Variants in SUPT20H observed in about 807,000 individuals in gnomAD.
SUPT20H encodes the protein transcription factor SPT20 homolog.
A neutral mutation model predicts 122.8 loss-of-function variants in SUPT20H; 82 were observed. The ratio of observed to expected loss-of-function variants is 0.67; its 90% CI spans 0.56 to 0.80. SUPT20H has a LOEUF of 0.80. Among genes scored for constraint, SUPT20H ranks in the 30% least tolerant of loss-of-function variants. The pLI, the probability that SUPT20H is intolerant of heterozygous loss-of-function variation, is 0.00. For synonymous variants in SUPT20H, 291 were observed against 313.0 expected (o/e 0.93, Z 0.74); for missense variants, 831 against 921.6 (o/e 0.90, Z 1.27).
chr13:37,023,754 T>A (rs2061744887), intron 19 of SUPT20H: 1 of 256,834 alleles, frequency 3.9e-6, no homozygotes, highest in African/African-American at 2.2e-5. Context: ...TTGCCACATG[T>A]AACTACCAGG....
At chr13:37,033,730 T>C (rs2063822936) in intron 9 of SUPT20H, 142 bp from the exon 10 acceptor site, 8 of 917,144 alleles carry the variant, frequency 8.7e-6, no homozygotes, top group Middle Eastern at 3.3e-4. Flanking sequence ...CCAATGTTAG[T>C]GTGCATGTAA....
intron 9 of SUPT20H, among the ~76,000 whole-genome samples, chr13:37,035,798 T>C (rs1046475797): frequency 1.3e-5 from 2 of 152,178 alleles, no homozygotes; most frequent in African/African-American, 4.8e-5. Context: ...CCAAAAGTGC[T>C]GGGATTACAG....
At chr13:37,054,333 C>G (rs1394312464) in intron 1 of SUPT20H, among the ~76,000 whole-genome samples, 1 of 152,122 alleles carries the variant, frequency 6.6e-6, no homozygotes, top group Non-Finnish European at 1.5e-5. Flanking sequence ...AATTTTAGAC[C>G]AATATCCCTG....
intron 25 of SUPT20H, among the ~76,000 whole-genome samples, chr13:37,010,275 A>G (rs2059368735): frequency 6.6e-6 from 1 of 152,206 alleles, no homozygotes; most frequent in Non-Finnish European, 1.5e-5. Context: ...GGCACTTACA[A>G]CTGTCTTTCA....
chr13:37,011,170 C>T (rs2059562820), intron 24 of SUPT20H, among the ~76,000 whole-genome samples: 1 of 152,100 alleles, frequency 6.6e-6, no homozygotes, highest in Non-Finnish European at 1.5e-5. Flanking sequence ...GTAATCAGTT[C>T]AACACTCATT....
At chr13:37,046,268 G>C (rs947351991) in intron 5 of SUPT20H, among the ~76,000 whole-genome samples, 13 of 152,118 alleles carry the variant, frequency 8.5e-5, no homozygotes, top group African/African-American at 1.7e-4. Flanking sequence ...AACTAGTAAA[G>C]AGAGACTTAA....
chr13:37,023,867 A>T, intron 19 of SUPT20H, 168 bp downstream of exon 19: 1 of 578,436 alleles, frequency 1.7e-6, no homozygotes. Context: ...ATAGAGACAT[A>T]ATACATACAA....
In SUPT20H at chr13:37,045,239, G is replaced by A; in HGVS notation, c.292+8C>T. The A allele has an allele frequency of 1.9e-6, 3 of 1,613,004 alleles. No homozygotes were observed. The highest frequency in any genetic ancestry group is 1.7e-6 in the Non-Finnish European group (2 of 1,179,490). On this transcript the variant is annotated splice_region_variant and intron_variant, in intron 6 of 25. Transcript: ENST00000350612. ...ATTTTGTGGCAGCTGTGCTCTAGAG[G>A]GTCTTACCTGATCCGTTTTTTCCCC...
chr13:37,016,265 A>G (rs2060466866), intron 23 of SUPT20H, among the ~76,000 whole-genome samples: 1 of 151,972 alleles, frequency 6.6e-6, no homozygotes, highest in Non-Finnish European at 1.5e-5. Context: ...TCTCTACTAA[A>G]AATACAAAAA....
chr13:37,036,920 C>A (rs527321619), intron 9 of SUPT20H, among the ~76,000 whole-genome samples: 13 of 152,190 alleles, frequency 8.5e-5, no homozygotes, highest in African/African-American at 2.9e-4. Flanking sequence ...AATCGCCAGG[C>A]ATGGTGGCTC....
chr13:37,011,084 ACTACT>A (rs535932832), intron 24 of SUPT20H, among the ~76,000 whole-genome samples: 76 of 152,320 alleles, frequency 5.0e-4, no homozygotes, highest in South Asian at 1.4e-3. Flanking sequence ...TGAATATCAG[ACTACT>A]CTACTAACAA....
At position 37,047,535 on chromosome 13, in the gene SUPT20H, C is replaced by A; in HGVS notation, c.165G>T (p.Lys55Asn). ...IEECEKEPEV[K>N]KLRRNVNLLE... The stretch of plus-strand genomic sequence containing the variant: ...CAACATAATAAAAATGTATACTTAC[C>A]TTAACTTCAGGTTCTTTTTCACATT... The change falls in exon 5 of 26, where the codon AAG becomes AAT. Residue 55 changes from lysine (K) to asparagine (N), a missense_variant and splice_region_variant. Lys to Asn is a moderately conservative substitution (Grantham distance 94). Transcript: ENST00000350612. The A allele has an allele frequency of 1.4e-6, 2 of 1,443,756 alleles. No homozygotes were observed. Among genetic ancestry groups the A allele is most frequent in the South Asian group, 1.4e-5 (1 of 72,914 alleles). The allele number at this position is 1,443,756 out of a possible 1,614,324, so 89.4% of individuals were successfully genotyped here.
chr13:37,010,480 G>A, intron 25 of SUPT20H, 72 bp downstream of exon 25: 1 of 1,336,936 alleles, frequency 7.5e-7, no homozygotes, highest in Non-Finnish European at 1.1e-6. Context: ...TAAAACTAAA[G>A]CAAGTTATTT....
chr13:37,033,114 T>C lies in SUPT20H; in HGVS notation c.707+335A>G, dbSNP rs908096634. On this transcript the variant is annotated intron_variant, in intron 10 of 25. Coordinates refer to ENST00000350612, the MANE Select transcript of SUPT20H (RefSeq NM_001014286.3). ...TAAAAGACTGCAGAAAATGCAACAG[T>C]TCAATCTAAAGCATAGAGCATTTAA... 2.0e-5 allele frequency among the ~76,000 whole-genome samples: 3 copies of C among 151,704 alleles called. No individual in the cohort carries two copies. The South Asian group carries it at 6.2e-4, about 31-fold the overall frequency.
At chr13:37,054,088 T>C (rs943093614) in intron 1 of SUPT20H, among the ~76,000 whole-genome samples, 3 of 152,182 alleles carry the variant, frequency 2.0e-5, no homozygotes, top group African/African-American at 7.2e-5. Context: ...AATCTCTGAA[T>C]AGACCAATAA....
chr13:37,036,348 C>T (rs578067192), intron 9 of SUPT20H, among the ~76,000 whole-genome samples: 20 of 147,086 alleles, frequency 1.4e-4, no homozygotes, highest in South Asian at 1.2e-3. Flanking sequence ...TTCTTTGAGA[C>T]GGAGTCTTGC....
intron 12 of SUPT20H, among the ~76,000 whole-genome samples, chr13:37,031,061 T>C (rs973979891): frequency 6.6e-6 from 1 of 152,136 alleles, no homozygotes; most frequent in Non-Finnish European, 1.5e-5. Context: ...CTTCAACCAT[T>C]TATAGTTCAT....
Position 37,024,365 on chromosome 13 carries a change from G to A in SUPT20H, c.1407C>T (p.Pro469=). The A allele has an allele frequency of 1.3e-6, 2 of 1,592,372 alleles. No individual in the cohort carries two copies. Among genetic ancestry groups the A allele is most frequent in the Non-Finnish European group, 1.7e-6 (2 of 1,172,400 alleles). The change falls in exon 18 of 26, where the codon CCC becomes CCT. Residue 469 remains proline (P), a synonymous_variant. Coordinates refer to ENST00000350612, the MANE Select transcript of SUPT20H (RefSeq NM_001014286.3). ...CTGAGGAACTATTTCCTGAGCTTGA[G>A]GGAAGTTTGATTGGTGGGGGTCGAT... ...VKHRPPPIKL[P]SSSGNSSSGN...
At chr13:37,014,470 G>C (rs186583144) in intron 23 of SUPT20H, among the ~76,000 whole-genome samples, 1 of 152,008 alleles carries the variant, frequency 6.6e-6, no homozygotes, top group African/African-American at 2.4e-5. Flanking sequence ...GACAGATCAC[G>C]TTCTCAAGCA....
Sources: gnomAD v4.1 joint callset for allele counts (sites outside exome capture counted in the v4.1 genomes callset) on GRCh38, gnomAD v4.1.1 for gene constraint, MANE v1.5 for transcripts, NCBI Gene and HGNC (gene_info 2026-07-23, HGNC 2026-07-21) for gene names.